Variants in CYTH3 observed in about 807,000 individuals in gnomAD.
The protein encoded by CYTH3 is cytohesin 3.
CYTH3 carries 23 observed loss-of-function variants against 55.1 expected under a neutral mutation model. That is an observed-to-expected ratio of 0.42 (90% CI 0.30 to 0.59). The LOEUF is 0.59. CYTH3 is among the 20% of genes least tolerant of loss of function. The pLI is 0.20. For synonymous variants in CYTH3, 249 were observed against 194.9 expected (o/e 1.28, Z -2.31); for missense variants, 413 against 524.8 (o/e 0.79, Z 2.08).
intron 1 of CYTH3, among the ~76,000 whole-genome samples, chr7:6,207,854 G>A (rs1784230516): frequency 6.6e-6 from 1 of 151,068 alleles, no homozygotes; most frequent in South Asian, 2.1e-4. Context: ...GGAGGCTGAG[G>A]TGGGAGGATG....
Position 6,161,902 on chromosome 7 carries a change from G to T in CYTH3, c.*3042C>A, listed in dbSNP as rs527922884. On this transcript the variant is annotated 3_prime_UTR_variant, in exon 13 of 13. Transcript: ENST00000350796. Reference sequence around the variant, plus strand: ...ATCAATAGAGGCTGTTCCTTCATGCGAGCTGTGGGAGTATATACATCATTG... The same window carrying T: ...ATCAATAGAGGCTGTTCCTTCATGCTAGCTGTGGGAGTATATACATCATTG... 6.6e-6 allele frequency: 1 copy of T among 152,500 alleles called. No individual in the cohort carries two copies. The highest frequency in any genetic ancestry group is 1.5e-5 in the Non-Finnish European group (1 of 68,042). The allele number at this position is 152,500 out of a possible 1,614,324, so 9.4% of individuals were successfully genotyped here. A position where few individuals can be genotyped will look rare whatever the true frequency, so the allele number is the denominator to read the frequency against.
chr7:6,182,899 C>CGCTTGGTGGT (rs1412031248), intron 4 of CYTH3, among the ~76,000 whole-genome samples: 23 of 152,208 alleles, frequency 1.5e-4, no homozygotes, highest in African/African-American at 5.1e-4. Context: ...TTTCCTCAAA[C>CGCTTGGTGGT]GCTTGGTGGT....
chr7:6,190,754 A>G (rs929015132), intron 1 of CYTH3, among the ~76,000 whole-genome samples: 1 of 152,190 alleles, frequency 6.6e-6, no homozygotes, highest in Non-Finnish European at 1.5e-5. Context: ...ATTGCGGTAC[A>G]TTCATAAAAT....
chr7:6,196,998 A>G (rs1321630897), intron 1 of CYTH3, among the ~76,000 whole-genome samples: 2 of 152,204 alleles, frequency 1.3e-5, no homozygotes, highest in Admixed American at 1.3e-4. Context: ...AAGAAAGTCT[A>G]TCTACAGTTT....
intron 1 of CYTH3, among the ~76,000 whole-genome samples, chr7:6,241,945 T>C (rs149528751): frequency 0.011 from 1,724 of 152,310 alleles, 12 homozygotes; most frequent in Non-Finnish European, 0.016. Flanking sequence ...ATTAAATGCA[T>C]AAAGAAGAAA....
intron 1 of CYTH3, among the ~76,000 whole-genome samples, chr7:6,240,165 G>A (rs1779637027): frequency 6.6e-6 from 1 of 151,990 alleles, no homozygotes; most frequent in Non-Finnish European, 1.5e-5. Context: ...AATGAGCCAG[G>A]TGTGGTGGCA....
chr7:6,253,370 T>C (rs1780020327), intron 1 of CYTH3, among the ~76,000 whole-genome samples: 1 of 151,860 alleles, frequency 6.6e-6, no homozygotes, highest in African/African-American at 2.4e-5. Context: ...CCATGCCCAG[T>C]TAATTTTTTT....
At chr7:6,197,462 C>G (rs1461185047) in intron 1 of CYTH3, among the ~76,000 whole-genome samples, 2 of 152,194 alleles carry the variant, frequency 1.3e-5, no homozygotes, top group Non-Finnish European at 2.9e-5. Context: ...GTGGGCGGAT[C>G]ACCTAAGGTC....
At chr7:6,225,347 A>G (rs1583176794) in intron 1 of CYTH3, among the ~76,000 whole-genome samples, 1 of 151,964 alleles carries the variant, frequency 6.6e-6, no homozygotes. Context: ...AAGATGAAGG[A>G]AAAAAAATTT....
At chr7:6,262,962 CA>C (rs915892091) in intron 1 of CYTH3, among the ~76,000 whole-genome samples, 62 of 143,326 alleles carry the variant, frequency 4.3e-4, no homozygotes, top group Admixed American at 4.9e-4. Flanking sequence ...CATTTTTGAC[CA>C]AAAAAAAAAA....
chr7:6,165,019 G>A lies in CYTH3; in HGVS notation c.1128-3C>T. Reference sequence around the variant, plus strand: ...AGGGATCTCTGCTGATACTGGCTCTGGTGAAAAAAGGAAAACACACAGGTT... The same window carrying A: ...AGGGATCTCTGCTGATACTGGCTCTAGTGAAAAAAGGAAAACACACAGGTT... On this transcript the variant is annotated splice_polypyrimidine_tract_variant and splice_region_variant and intron_variant, in intron 12 of 12. Coordinates refer to ENST00000350796, the MANE Select transcript of CYTH3 (RefSeq NM_004227.4). 4 of 1,614,132 alleles carry A rather than the reference G, an allele frequency of 2.5e-6. No homozygotes were observed. The highest frequency in any genetic ancestry group is 3.4e-6 in the Non-Finnish European group (4 of 1,180,010).
At chr7:6,180,527 A>T (rs1583751052) in intron 4 of CYTH3, among the ~76,000 whole-genome samples, 1 of 152,098 alleles carries the variant, frequency 6.6e-6, no homozygotes, top group South Asian at 2.1e-4. Context: ...GCTGGAAGGG[A>T]TTCTCCCTCA....
At chr7:6,243,911 CATT>C (rs1779739402) in intron 1 of CYTH3, among the ~76,000 whole-genome samples, 1 of 152,280 alleles carries the variant, frequency 6.6e-6, no homozygotes, top group South Asian at 2.1e-4. Context: ...ATTTCATTGT[CATT>C]GTTGTCTCAT....
chr7:6,184,930 T>C (rs1421253881), intron 4 of CYTH3, among the ~76,000 whole-genome samples: 1 of 152,170 alleles, frequency 6.6e-6, no homozygotes, highest in African/African-American at 2.4e-5. Flanking sequence ...TTTCATGAGA[T>C]TAGAATTTAT....
intron 4 of CYTH3, among the ~76,000 whole-genome samples, chr7:6,186,348 C>A (rs1363898011): frequency 6.6e-6 from 1 of 152,034 alleles, no homozygotes; most frequent in African/African-American, 2.4e-5. Flanking sequence ...TTCCTCTCCT[C>A]AACCCTGAAG....
At chr7:6,272,378 TC>T (rs1371871303) in intron 1 of CYTH3, 95 bp downstream of exon 1, 8 of 1,133,136 alleles carry the variant, frequency 7.1e-6, no homozygotes, top group Non-Finnish European at 8.8e-6. Context: ...CCCCGTCTCC[TC>T]CGGCGAACCC....
chr7:6,253,062 T>G (rs921411667), intron 1 of CYTH3, among the ~76,000 whole-genome samples: 2 of 152,104 alleles, frequency 1.3e-5, no homozygotes, highest in African/African-American at 4.8e-5. Context: ...ACTTTTACCT[T>G]GAATCAAAAT....
At position 6,267,211 on chromosome 7, in the gene CYTH3, C is replaced by A. The variant is rs569382795; in HGVS notation, c.34+5263G>T. On this transcript the variant is annotated intron_variant, in intron 1 of 12. Coordinates refer to ENST00000350796, the MANE Select transcript of CYTH3 (RefSeq NM_004227.4). Reference sequence around the variant, plus strand: ...TGGCACCATGCCTGTACAGCTACAGCCTGCACAACCATGAGTCCATGAAAC... The same window carrying A: ...TGGCACCATGCCTGTACAGCTACAGACTGCACAACCATGAGTCCATGAAAC... Among the ~76,000 whole-genome samples the A allele has an allele frequency of 3.3e-5, 5 of 152,306 alleles. No individual in the cohort carries two copies. In the South Asian group the frequency reaches 1.0e-3, roughly 32 times the overall value.
Position 6,170,306 on chromosome 7 carries a change from G to A in CYTH3, c.823+229C>T, listed in dbSNP as rs1393098305. ...ACTCAGCAGTTTTCTGGGACGGGCC[G>A]TGCAGCCTGGGCGCTACTCTCTGCC... On this transcript the variant is annotated intron_variant, in intron 9 of 12. Coordinates refer to ENST00000350796, the MANE Select transcript of CYTH3 (RefSeq NM_004227.4). This position sits in a 1 kb window ranked among gnomAD's most constrained non-coding sequence, Gnocchi z 7.8. 2 of 539,114 alleles carry A rather than the reference G, an allele frequency of 3.7e-6. No individual in the cohort carries two copies. Among genetic ancestry groups the A allele is most frequent in the Non-Finnish European group, 6.5e-6 (2 of 306,372 alleles). The allele number at this position is 539,114 out of a possible 1,614,324, so 33.4% of individuals were successfully genotyped here. A position where few individuals can be genotyped will look rare whatever the true frequency, so the allele number is the denominator to read the frequency against.
Sources: allele counts gnomAD v4.1 joint callset (sites outside exome capture counted in the v4.1 genomes callset), GRCh38; gene constraint gnomAD v4.1.1; non-coding constraint Gnocchi (gnomAD v3.1); transcripts MANE v1.5; gene names NCBI Gene and HGNC (gene_info 2026-07-23, HGNC 2026-07-21).